Variants in ADAM12 observed in about 807,000 individuals in gnomAD.
ADAM12 encodes disintegrin and metalloproteinase domain-containing protein 12.
In ADAM12, 70 loss-of-function variants were observed where a neutral mutation model predicts 106.4. The observed-to-expected ratio is 0.66, with a 90% CI of 0.54 to 0.80. The LOEUF is 0.80. Among genes scored for constraint, ADAM12 ranks in the 30% least tolerant of loss-of-function variants. The probability of loss-of-function intolerance (pLI) is 0.00; values close to 1 mark genes in which losing one functional copy is unlikely to be tolerated. For synonymous variants in ADAM12, 420 were observed against 433.5 expected (o/e 0.97, Z 0.39); for missense variants, 1,010 against 1,171.9 (o/e 0.86, Z 2.02).
At chr10:126,044,688 T>C (rs1270889464) in intron 17 of ADAM12, among the ~76,000 whole-genome samples, 2 of 152,232 alleles carry the variant, frequency 1.3e-5, no homozygotes, top group Non-Finnish European at 2.9e-5. Flanking sequence ...CTTGTTTTGA[T>C]GAATCAACCA....
intron 13 of ADAM12, 105 bp from the exon 14 acceptor site, chr10:126,065,106 A>G: frequency 8.4e-7 from 1 of 1,188,770 alleles, no homozygotes; most frequent in Non-Finnish European, 1.2e-6. Flanking sequence ...GTCCCACATA[A>G]GGGGTGAGGA....
At chr10:126,328,750 G>A (rs11244956) in intron 2 of ADAM12, among the ~76,000 whole-genome samples, 26,329 of 152,168 alleles carry the variant, frequency 0.17, 2,500 homozygotes, top group Middle Eastern at 0.28. Context: ...AGTGCAGTAG[G>A]TGTATGCCTG....
At chr10:126,350,640 T>A (rs1855317190) in intron 1 of ADAM12, among the ~76,000 whole-genome samples, 1 of 152,260 alleles carries the variant, frequency 6.6e-6, no homozygotes, top group Non-Finnish European at 1.5e-5. Flanking sequence ...GGCAGTCTTG[T>A]GTCGGATGTC....
intron 1 of ADAM12, among the ~76,000 whole-genome samples, chr10:126,346,651 A>G (rs1855152629): frequency 6.6e-6 from 1 of 152,032 alleles, no homozygotes; most frequent in Non-Finnish European, 1.5e-5. Context: ...TATTGTGTGG[A>G]AGTCTAATTC....
intron 2 of ADAM12, among the ~76,000 whole-genome samples, chr10:126,316,355 G>T (rs1429582823): frequency 6.6e-6 from 1 of 152,096 alleles, no homozygotes; most frequent in African/African-American, 2.4e-5. Context: ...ATCTCTAATC[G>T]TAATTTCTTC....
At position 126,177,135 on chromosome 10, in the gene ADAM12, T is replaced by C. The variant is rs910494187; in HGVS notation, c.261-21830A>G. Among the ~76,000 whole-genome samples, 16 of 152,072 alleles carry C rather than the reference T, an allele frequency of 1.1e-4. No individual in the cohort carries two copies. In the East Asian group the frequency reaches 2.7e-3, roughly 26 times the overall value. ...GCTGTACATGGCTGCAGGTGTGCTA[T>C]AGGAAATGCTTATTAGAGCCTTTTA... is the stretch of plus-strand genomic sequence containing the variant. On this transcript the variant is annotated intron_variant, in intron 3 of 22. Coordinates refer to ENST00000448723, the MANE Select transcript of ADAM12 (RefSeq NM_001288973.2).
At position 126,338,520 on chromosome 10, in the gene ADAM12, G is replaced by T. The variant is rs536786268; in HGVS notation, c.89-8011C>A. Among the ~76,000 whole-genome samples the T allele has an allele frequency of 1.1e-4, 17 of 152,160 alleles. No individual in the cohort carries two copies. The South Asian group carries it at 3.5e-3, about 32-fold the overall frequency. On this transcript the variant is annotated intron_variant, in intron 1 of 22. Coordinates refer to ENST00000448723, the MANE Select transcript of ADAM12 (RefSeq NM_001288973.2). Reference sequence around the variant, plus strand: ...GCCCGCCTCGGCCTCCCAAAGTGCTGGGATTACAGGCGTGAGCCACCGCGC... The same window carrying T: ...GCCCGCCTCGGCCTCCCAAAGTGCTTGGATTACAGGCGTGAGCCACCGCGC...
chr10:126,223,814 G>A (rs1958142040), intron 3 of ADAM12, among the ~76,000 whole-genome samples: 2 of 152,226 alleles, frequency 1.3e-5, no homozygotes, highest in Non-Finnish European at 1.5e-5. Context: ...GGGGAAAGCT[G>A]TGCATTGGGC....
chr10:126,280,783 AC>A (rs202019499), intron 2 of ADAM12, among the ~76,000 whole-genome samples: 1 of 152,168 alleles, frequency 6.6e-6, no homozygotes, highest in East Asian at 1.9e-4. Context: ...TGAAATTCTT[AC>A]GTATCTTTTC....
At chr10:126,301,454 A>G (rs1476825328) in intron 2 of ADAM12, among the ~76,000 whole-genome samples, 1 of 152,174 alleles carries the variant, frequency 6.6e-6, no homozygotes, top group African/African-American at 2.4e-5. Context: ...GACACACTGG[A>G]AATTAGGTGG....
chr10:126,164,322 C>T (rs1339792791), intron 3 of ADAM12, among the ~76,000 whole-genome samples: 2 of 152,206 alleles, frequency 1.3e-5, no homozygotes, highest in Non-Finnish European at 2.9e-5. Context: ...ATACTCTTTG[C>T]AATTAAATCA....
At chr10:126,309,938 C>T (rs57029703) in intron 2 of ADAM12, among the ~76,000 whole-genome samples, 25,131 of 151,902 alleles carry the variant, frequency 0.17, 2,324 homozygotes, top group Non-Finnish European at 0.21. Context: ...GTGGGCAGAT[C>T]ACTTGAGGTC....
At position 126,236,392 on chromosome 10, in the gene ADAM12, C is replaced by A. The variant is rs144920930; in HGVS notation, c.260+42523G>T. 6.6e-3 allele frequency among the ~76,000 whole-genome samples: 1,010 copies of A among 152,258 alleles called. 33 individuals carry two copies. The highest frequency in any genetic ancestry group is 0.059 in the Admixed American group (901 of 15,298). ...AGTGGGGAGCAGGAGAGCAAACCTG[C>A]GAGCTCAGGCTGGGATTTGCTGAGT... On this transcript the variant is annotated intron_variant, in intron 3 of 22. Transcript: ENST00000448723.
intron 1 of ADAM12, among the ~76,000 whole-genome samples, chr10:126,340,081 T>TTGACCTCG (rs951566404): frequency 5.3e-5 from 8 of 152,030 alleles, no homozygotes; most frequent in African/African-American, 1.7e-4. Context: ...TCTTGATCTC[T>TTGACCTCG]TGACCTCGTG....
rs556860566 is a variant in ADAM12, at chr10:126,142,391, G to C, written c.340-6731C>G. 9.8e-5 allele frequency among the ~76,000 whole-genome samples: 15 copies of C among 152,354 alleles called. No individual in the cohort carries two copies. In the East Asian group the frequency reaches 2.7e-3, roughly 27 times the overall value. ...TTCCTTATGGGAAATGAATGGATGG[G>C]TTGAAATAAAGGGATGGGTTGGGCT... On this transcript the variant is annotated intron_variant, in intron 4 of 22. Transcript: ENST00000448723.
At chr10:126,026,197 GT>G (rs1405517989) in intron 21 of ADAM12, among the ~76,000 whole-genome samples, 2 of 152,148 alleles carry the variant, frequency 1.3e-5, no homozygotes, top group African/African-American at 4.8e-5. Flanking sequence ...TGCAATCCTA[GT>G]TTCTGACAAA....
At position 126,079,657 on chromosome 10, in the gene ADAM12, A is replaced by T. The variant is rs186306564; in HGVS notation, c.1146-8003T>A. ...AGATTTAAAATTCAAATGCTGTTGTACCTATTTGTGTCGTGACAATAAAAA... is the reference window on the plus strand; with the variant it reads ...AGATTTAAAATTCAAATGCTGTTGTTCCTATTTGTGTCGTGACAATAAAAA... On this transcript the variant is annotated intron_variant, in intron 11 of 22. Coordinates refer to ENST00000448723, the MANE Select transcript of ADAM12 (RefSeq NM_001288973.2). Among the ~76,000 whole-genome samples, 208 of 152,310 alleles carry T rather than the reference A, an allele frequency of 1.4e-3. 1 individual carries two copies. The highest frequency in any genetic ancestry group is 3.4e-3 in the Middle Eastern group (1 of 294).
intron 3 of ADAM12, among the ~76,000 whole-genome samples, chr10:126,230,977 G>A (rs1958298257): frequency 6.6e-6 from 1 of 151,968 alleles, no homozygotes; most frequent in Non-Finnish European, 1.5e-5. Flanking sequence ...TATAAAACTT[G>A]TGCTTTAGAA....
intron 2 of ADAM12, among the ~76,000 whole-genome samples, chr10:126,287,591 G>A (rs1208775240): frequency 6.6e-6 from 1 of 151,950 alleles, no homozygotes; most frequent in African/African-American, 2.4e-5. Flanking sequence ...GAAGGCTCTG[G>A]CGTCTGCTCA....
Sources: gnomAD v4.1 joint callset for allele counts (sites outside exome capture counted in the v4.1 genomes callset) on GRCh38, gnomAD v4.1.1 for gene constraint, MANE v1.5 for transcripts, NCBI Gene and HGNC (gene_info 2026-07-23, HGNC 2026-07-21) for gene names.